PAG1: variants seen among roughly 807,000 people sequenced by gnomAD.
PAG1 encodes the protein phosphoprotein membrane anchor with glycosphingolipid microdomains 1, also known as phosphoprotein associated with glycosphingolipid-enriched microdomains 1.
In PAG1, 23 loss-of-function variants were observed where a neutral mutation model predicts 31.7. That is an observed-to-expected ratio of 0.73 (90% CI 0.52 to 1.03). The LOEUF (loss-of-function observed/expected upper bound fraction) is 1.03. Among genes scored for constraint, PAG1 ranks in the 50% least tolerant of loss-of-function variants. The probability of loss-of-function intolerance (pLI) is 0.00; values close to 1 mark genes in which losing one functional copy is unlikely to be tolerated. For missense variants in PAG1, 473 were observed against 540.7 expected (o/e 0.87, Z 1.24); for synonymous variants, 214 against 210.3 (o/e 1.02, Z -0.15).
intron 5 of PAG1, among the ~76,000 whole-genome samples, chr8:80,991,114 G>A (rs956073840): frequency 6.6e-6 from 1 of 152,154 alleles, no homozygotes; most frequent in African/African-American, 2.4e-5. Flanking sequence ...CCCAGGAGAG[G>A]CCTAGAACAG....
chr8:81,067,169 G>A (rs1460499913), intron 2 of PAG1, among the ~76,000 whole-genome samples: 1 of 152,030 alleles, frequency 6.6e-6, no homozygotes, highest in African/African-American at 2.4e-5. Flanking sequence ...AAACCAAAAG[G>A]AATTTAAAAA....
chr8:80,984,911 T>G lies in PAG1; in HGVS notation c.741A>C (p.Gly247=). 6.2e-7 allele frequency: 1 copy of G among 1,614,190 alleles called. No individual in the cohort carries two copies. The highest frequency in any genetic ancestry group is 1.3e-5 in the African/African-American group (1 of 75,048). ...RQSVNVESIL[G]NSCDPEEEAP... is the part of the protein sequence containing the mutation. ...CCTCCTCTTCTGGATCACATGAATT[T>G]CCAAGGATACTCTCTACATTAACAC... The change falls in exon 7 of 9, where the codon GGA becomes GGC. Residue 247 remains glycine (G), a synonymous_variant. Transcript: ENST00000220597.
At chr8:81,088,338 G>A (rs73692338) in intron 1 of PAG1, among the ~76,000 whole-genome samples, 1,570 of 152,130 alleles carry the variant, frequency 0.01, 32 homozygotes, top group African/African-American at 0.035. Flanking sequence ...ACTAAAATAA[G>A]CATTCCATAA....
chr8:81,097,894 T>C (rs1421771499), intron 1 of PAG1, among the ~76,000 whole-genome samples: 1 of 152,176 alleles, frequency 6.6e-6, no homozygotes, highest in East Asian at 1.9e-4. Flanking sequence ...GACAACATTC[T>C]TGAATGTTCC....
intron 2 of PAG1, among the ~76,000 whole-genome samples, chr8:81,057,831 C>T (rs190647810): frequency 1.8e-4 from 28 of 152,242 alleles, no homozygotes; most frequent in African/African-American, 6.0e-4. Context: ...TTACTTATAA[C>T]GTAAATCCCT....
chr8:81,047,057 G>T (rs953915461), intron 2 of PAG1, among the ~76,000 whole-genome samples: 3 of 152,144 alleles, frequency 2.0e-5, no homozygotes, highest in African/African-American at 7.2e-5. Context: ...GTATTCTATG[G>T]TGCATATGTA....
chr8:80,992,176 C>T (rs1280931981), intron 4 of PAG1, among the ~76,000 whole-genome samples: 1 of 152,234 alleles, frequency 6.6e-6, no homozygotes, highest in Admixed American at 6.5e-5. Context: ...CGGGAAGCCC[C>T]GGCCCTGCGG....
At chr8:81,090,596 C>T (rs1563427077) in intron 1 of PAG1, among the ~76,000 whole-genome samples, 3 of 152,160 alleles carry the variant, frequency 2.0e-5, no homozygotes, top group African/African-American at 4.8e-5. Flanking sequence ...TAATAGAGCA[C>T]ATGGGAATGC....
chr8:81,068,886 C>T (rs1166989985), intron 2 of PAG1, among the ~76,000 whole-genome samples: 1 of 152,172 alleles, frequency 6.6e-6, no homozygotes, highest in African/African-American at 2.4e-5. Flanking sequence ...GTTAAATCTT[C>T]ATTACCCCCA....
chr8:81,073,235 C>T (rs1045875954), intron 1 of PAG1, among the ~76,000 whole-genome samples: 6 of 152,304 alleles, frequency 3.9e-5, no homozygotes, highest in Admixed American at 3.3e-4. Context: ...ATTTAGCCTG[C>T]AGATTTGTAA....
At chr8:81,014,839 T>C (rs1808045892) in intron 3 of PAG1, among the ~76,000 whole-genome samples, 1 of 152,156 alleles carries the variant, frequency 6.6e-6, no homozygotes, top group Non-Finnish European at 1.5e-5. Context: ...ATTCAGTGTT[T>C]GGGAATGAGG....
At chr8:81,066,118 C>T (rs1228782801) in intron 2 of PAG1, among the ~76,000 whole-genome samples, 3 of 152,234 alleles carry the variant, frequency 2.0e-5, no homozygotes, top group Non-Finnish European at 4.4e-5. Flanking sequence ...CCGGAGCAAG[C>T]TGACATTTGG....
chr8:81,012,678 TAAAG>T (rs946235207), intron 3 of PAG1, among the ~76,000 whole-genome samples: 1 of 152,174 alleles, frequency 6.6e-6, no homozygotes, highest in Non-Finnish European at 1.5e-5. Context: ...GTAACTAAAA[TAAAG>T]AAATAATCAG....
intron 4 of PAG1, among the ~76,000 whole-genome samples, chr8:80,992,871 A>G (rs1033981233): frequency 1.3e-5 from 2 of 152,362 alleles, no homozygotes; most frequent in East Asian, 1.9e-4. Flanking sequence ...AGTTTAAAAT[A>G]TAAGGGCTCT....
intron 1 of PAG1, among the ~76,000 whole-genome samples, chr8:81,089,129 C>T (rs768332644): frequency 2.0e-5 from 3 of 152,208 alleles, no homozygotes; most frequent in Non-Finnish European, 4.4e-5. Flanking sequence ...ACTCCTCGGT[C>T]TGAGACAAAG....
intron 4 of PAG1, 23 bp downstream of exon 4, chr8:80,993,080 G>A (rs1586150502): frequency 2.5e-6 from 4 of 1,607,062 alleles, no homozygotes; most frequent in East Asian, 2.2e-5. Context: ...TTAAGGCACA[G>A]GTATATACAC....
chr8:81,052,270 T>C (rs1339502267), intron 2 of PAG1, among the ~76,000 whole-genome samples: 1 of 152,230 alleles, frequency 6.6e-6, no homozygotes, highest in African/African-American at 2.4e-5. Context: ...TTTTATGTGA[T>C]ACTCTGTGTC....
intron 2 of PAG1, among the ~76,000 whole-genome samples, chr8:81,035,982 T>A (rs1808456476): frequency 6.6e-6 from 1 of 152,174 alleles, no homozygotes; most frequent in African/African-American, 2.4e-5. Context: ...AAATCTAAAT[T>A]TCTGTGAAAT....
intron 1 of PAG1, among the ~76,000 whole-genome samples, chr8:81,102,359 C>A (rs569951311): frequency 6.6e-6 from 1 of 152,156 alleles, no homozygotes; most frequent in South Asian, 2.1e-4. Context: ...AAAATCAGCA[C>A]CAATAACAAA....
Sources: allele counts gnomAD v4.1 joint callset (sites outside exome capture counted in the v4.1 genomes callset), GRCh38; gene constraint gnomAD v4.1.1; transcripts MANE v1.5; gene names NCBI Gene and HGNC (gene_info 2026-07-23, HGNC 2026-07-21).